The following PGGT1B variants were observed in gnomAD, a reference collection of about 807,000 sequenced individuals.
PGGT1B encodes the protein geranylgeranyl transferase type-1 subunit beta.
Under a neutral mutation model 46.1 loss-of-function variants are expected in PGGT1B, and 30 were observed. That is an observed-to-expected ratio of 0.65 (90% CI 0.49 to 0.88). The LOEUF (loss-of-function observed/expected upper bound fraction) is 0.88, where lower values mean the gene tolerates loss of function less well. Ranked by LOEUF, PGGT1B falls within the 40% of genes least tolerant of loss-of-function variation. The pLI, the probability that PGGT1B is intolerant of heterozygous loss-of-function variation, is 0.00. For missense variants in PGGT1B, 376 were observed against 455.9 expected, an observed-to-expected ratio of 0.82 and a Z score of 1.60; for synonymous variants, 170 against 160.0, an observed-to-expected ratio of 1.06 and a Z score of -0.47.
chr5:115,215,445 C>T lies in PGGT1B; in HGVS notation c.952+1420G>A, dbSNP rs549044441. ...TCCCAAGTAGTTGGGATTACAGGCA[C>T]CCACCACCACGCCTGGCTAATTATT... On this transcript the variant is annotated intron_variant, in intron 8 of 8. Transcript: ENST00000419445. Among the ~76,000 whole-genome samples the T allele has an allele frequency of 1.1e-3, 169 of 152,082 alleles. 1 individual carries two copies. Among genetic ancestry groups the T allele is most frequent in the African/African-American group, 3.8e-3 (157 of 41,490 alleles).
chr5:115,205,879 T>C lies in PGGT1B; in HGVS notation c.*6523A>G, dbSNP rs956734994. On this transcript the variant is annotated 3_prime_UTR_variant, in exon 9 of 9. Transcript: ENST00000419445. ...AAAGAAACATGCAAATGGGCAATTA[T>C]ACATTTTCAAGGATCTCACAGCAAT... 2.6e-5 allele frequency: 4 copies of C among 152,072 alleles called. No individual in the cohort carries two copies. The highest frequency in any genetic ancestry group is 7.2e-5 in the African/African-American group (3 of 41,432). 9.4% of individuals were successfully genotyped at this position (152,072 alleles called of 1,614,324 possible). A position where few individuals can be genotyped will look rare whatever the true frequency, so the allele number is the denominator to read the frequency against.
At position 115,208,114 on chromosome 5, in the gene PGGT1B, C is replaced by T. The variant is rs980489477; in HGVS notation, c.*4288G>A. On this transcript the variant is annotated 3_prime_UTR_variant, in exon 9 of 9. Coordinates refer to ENST00000419445, the MANE Select transcript of PGGT1B (RefSeq NM_005023.4). ...TTTGAAAGTGCTGTTGGATTGTTTG[C>T]TAATGTTATCATTAAAACTTTTTAT... is the stretch of plus-strand genomic sequence containing the variant. 7.2e-5 allele frequency: 11 copies of T among 151,802 alleles called. No individual in the cohort carries two copies. Among genetic ancestry groups the T allele is most frequent in the African/African-American group, 2.7e-4 (11 of 41,302 alleles). 9.4% of individuals were successfully genotyped at this position (151,802 alleles called of 1,614,324 possible).
intron 2 of PGGT1B, among the ~76,000 whole-genome samples, chr5:115,244,016 G>A (rs1369982209): frequency 6.6e-6 from 1 of 152,060 alleles, no homozygotes; most frequent in Non-Finnish European, 1.5e-5. Context: ...GAGCCCACCT[G>A]TACACATGTC....
At chr5:115,241,481 C>T in intron 3 of PGGT1B, 58 bp downstream of exon 3, 3 of 1,102,366 alleles carry the variant, frequency 2.7e-6, no homozygotes, top group Non-Finnish European at 3.8e-6. Flanking sequence ...TTAGTTTTCT[C>T]TTTTATTAAA....
At chr5:115,245,621 T>C (rs1267545753) in intron 2 of PGGT1B, among the ~76,000 whole-genome samples, 1 of 152,222 alleles carries the variant, frequency 6.6e-6, no homozygotes, top group Non-Finnish European at 1.5e-5. Context: ...ACAGTAACCA[T>C]TCAAAATCAG....
intron 5 of PGGT1B, among the ~76,000 whole-genome samples, chr5:115,234,452 T>C (rs550615794): frequency 1.3e-5 from 2 of 152,060 alleles, no homozygotes; most frequent in East Asian, 3.9e-4. Context: ...TGTATAGTTC[T>C]GACCTTAAGA....
chr5:115,222,668 A>ATATG, intron 6 of PGGT1B, among the ~76,000 whole-genome samples: 1 of 152,334 alleles, frequency 6.6e-6, no homozygotes, highest in Non-Finnish European at 1.5e-5. Context: ...ATAAAGACAC[A>ATATG]TGTACACATA....
intron 1 of PGGT1B, among the ~76,000 whole-genome samples, chr5:115,257,684 T>G (rs550957456): frequency 4.6e-5 from 7 of 152,322 alleles, no homozygotes; most frequent in Middle Eastern, 3.4e-3. Context: ...TCCTGACCCT[T>G]TCTGGTGCAA....
rs1361518596 is a variant in PGGT1B, at chr5:115,204,820, TTC to T, written c.*7580_*7581del. 6.6e-6 allele frequency: 1 copy of T among 152,182 alleles called. No homozygotes were observed. The highest frequency in any genetic ancestry group is 2.4e-5 in the African/African-American group (1 of 41,448). 9.4% of individuals were successfully genotyped at this position (152,182 alleles called of 1,614,324 possible). A position where few individuals can be genotyped will look rare whatever the true frequency, so the allele number is the denominator to read the frequency against. ...TTTATGAGCTGTAAGTAACCTAAGT[TTC>T]TCTTAATATGATAAATATTAAAATA... On this transcript the variant is annotated 3_prime_UTR_variant, in exon 9 of 9. Transcript: ENST00000419445.
rs867447691 is a variant in PGGT1B, at chr5:115,209,291, T to C, written c.*3111A>G. The stretch of plus-strand genomic sequence containing the variant: ...GCTTTGTCTCATAAGCTTCAAGAGG[T>C]ACACAGCGTAAAACCCAGACAGCTC... On this transcript the variant is annotated 3_prime_UTR_variant, in exon 9 of 9. Coordinates refer to ENST00000419445, the MANE Select transcript of PGGT1B (RefSeq NM_005023.4). The C allele has an allele frequency of 7.8e-4, 119 of 152,192 alleles. No individual in the cohort carries two copies. The highest frequency in any genetic ancestry group is 2.7e-3 in the African/African-American group (112 of 41,534). The allele number at this position is 152,192 out of a possible 1,614,324, so 9.4% of individuals were successfully genotyped here.
chr5:115,229,506 C>A (rs1017084101), intron 6 of PGGT1B, among the ~76,000 whole-genome samples: 1 of 152,118 alleles, frequency 6.6e-6, no homozygotes, highest in African/African-American at 2.4e-5. Flanking sequence ...AATTCAAAAT[C>A]ATGACTTGTA....
In PGGT1B at chr5:115,208,586, T is replaced by C. The variant is rs1364410007; in HGVS notation, c.*3816A>G. On this transcript the variant is annotated 3_prime_UTR_variant, in exon 9 of 9. Coordinates refer to ENST00000419445, the MANE Select transcript of PGGT1B (RefSeq NM_005023.4). ...ATTTCCCCCTTGTCATTTAAATTTTTGTATTTGTGCTTCCTCCTTTTTTTC... is the reference window on the plus strand; with the variant it reads ...ATTTCCCCCTTGTCATTTAAATTTTCGTATTTGTGCTTCCTCCTTTTTTTC... 3 of 152,134 alleles carry C rather than the reference T, an allele frequency of 2.0e-5. No homozygotes were observed. The highest frequency in any genetic ancestry group is 2.1e-4 in the South Asian group (1 of 4,836). The allele number at this position is 152,134 out of a possible 1,614,324, so 9.4% of individuals were successfully genotyped here.
rs114603044 is a variant in PGGT1B, at chr5:115,218,884, T to G, written c.844-1911A>C. Reference sequence around the variant, plus strand: ...TCTGAAATGATTAAATACTGAGAATTTAATCTTAACAAAAAGGTGAAAGAT... The same window carrying G: ...TCTGAAATGATTAAATACTGAGAATGTAATCTTAACAAAAAGGTGAAAGAT... On this transcript the variant is annotated intron_variant, in intron 7 of 8. Transcript: ENST00000419445. 3.0e-3 allele frequency among the ~76,000 whole-genome samples: 456 copies of G among 151,964 alleles called. 1 individual carries two copies. Among genetic ancestry groups the G allele is most frequent in the African/African-American group, 0.01 (424 of 41,532 alleles).
intron 1 of PGGT1B, among the ~76,000 whole-genome samples, chr5:115,255,784 T>C (rs1255100285): frequency 6.6e-6 from 1 of 152,142 alleles, no homozygotes; most frequent in Admixed American, 6.5e-5. Context: ...AACTGAAGAA[T>C]ATAAAGCCCA....
At chr5:115,230,365 G>T (rs1005641053) in intron 6 of PGGT1B, among the ~76,000 whole-genome samples, 1 of 152,090 alleles carries the variant, frequency 6.6e-6, no homozygotes, top group African/African-American at 2.4e-5. Flanking sequence ...TTTTAGAAAA[G>T]AAGAATGGAA....
intron 4 of PGGT1B, 144 bp from the exon 5 acceptor site, chr5:115,236,666 T>C: frequency 2.0e-6 from 1 of 510,642 alleles, no homozygotes. Flanking sequence ...ATTCTACTTT[T>C]ATTATTCAAT....
chr5:115,220,943 T>C (rs933439078), intron 7 of PGGT1B, among the ~76,000 whole-genome samples: 1 of 151,994 alleles, frequency 6.6e-6, no homozygotes, highest in Non-Finnish European at 1.5e-5. Context: ...TTGTTGAGAC[T>C]GGTTGATGGA....
chr5:115,231,201 T>C (rs1343471136), intron 5 of PGGT1B, among the ~76,000 whole-genome samples, 180 bp from the exon 6 acceptor site: 1 of 152,080 alleles, frequency 6.6e-6, no homozygotes, highest in Non-Finnish European at 1.5e-5. Flanking sequence ...AAATACCTGA[T>C]TTTCTCTTCT....
At chr5:115,257,090 C>T (rs913885769) in intron 1 of PGGT1B, among the ~76,000 whole-genome samples, 4 of 152,102 alleles carry the variant, frequency 2.6e-5, no homozygotes, top group African/African-American at 9.7e-5. Context: ...GAAAAAGTAA[C>T]ATCCCCCAAC....
Sources: gnomAD v4.1 joint callset for allele counts (sites outside exome capture counted in the v4.1 genomes callset) on GRCh38, gnomAD v4.1.1 for gene constraint, MANE v1.5 for transcripts, NCBI Gene and HGNC (gene_info 2026-07-23, HGNC 2026-07-21) for gene names.